CCIN: variants seen among roughly 807,000 people sequenced by gnomAD.
The protein encoded by CCIN is calicin, also known as testis tissue sperm-binding protein Li 65n.
In CCIN, 15 loss-of-function variants were observed where a neutral mutation model predicts 32.2. The observed-to-expected ratio is 0.47, with a 90% CI of 0.31 to 0.72. The LOEUF is 0.72. CCIN is among the 30% of genes least tolerant of loss of function. The pLI, the probability that CCIN is intolerant of heterozygous loss-of-function variation, is 0.05. For synonymous variants in CCIN, 302 were observed against 297.4 expected, an observed-to-expected ratio of 1.02 and a Z score of -0.16; for missense variants, 623 against 759.4, an observed-to-expected ratio of 0.82 and a Z score of 2.11.
Position 36,169,660 on chromosome 9 carries a change from T to A in CCIN, c.158T>A (p.Val53Glu). 13 of 1,614,144 alleles carry A rather than the reference T, an allele frequency of 8.1e-6. No individual in the cohort carries two copies. The highest frequency in any genetic ancestry group is 1.1e-5 in the Non-Finnish European group (13 of 1,180,030). The stretch of plus-strand genomic sequence containing the variant: ...GTGCTGGCTGCTGTCTCCCCACTGG[T>A]GAGGAGCCTCATCTCCAGCAATGAC... The part of the protein sequence containing the change: ...RNVLAAVSPL[V>E]RSLISSNDMK... Residue 53 changes from valine to glutamate, a missense_variant, in exon 1 of 1, where the codon GTG (valine) becomes GAG (glutamate). Coordinates refer to ENST00000335119, the MANE Select transcript of CCIN (RefSeq NM_005893.3).
rs145849868 is a variant in CCIN at position 36,170,541 on chromosome 9, C to A, written c.1039C>A (p.Arg347=). The stretch of plus-strand genomic sequence containing the variant: ...GATTTCAGGGCTGAAGACAGCCTGG[C>A]GGTATGACATGGATGACAACTCCTG... ...EQISGLKTAW[R]YDMDDNSWTK... is the part of the protein sequence containing the mutation. The change falls in exon 1 of 1, where the codon CGG becomes AGG. Residue 347 remains arginine (R), a synonymous_variant. Transcript: ENST00000335119. 13 of 1,614,096 alleles carry A rather than the reference C, an allele frequency of 8.1e-6. No homozygotes were observed. Among genetic ancestry groups the A allele is most frequent in the Non-Finnish European group, 1.1e-5 (13 of 1,180,032 alleles).
Position 36,169,532 on chromosome 9 carries a change from C to T in CCIN, c.30C>T (p.Tyr10=), listed in dbSNP as rs772110424. 7 of 1,614,246 alleles carry T rather than the reference C, an allele frequency of 4.3e-6. No homozygotes were observed. The Admixed American group carries it at 1.2e-4, about 27-fold the overall frequency. ...AATTGGAATTCACGGAGAAAAACTA[C>T]AATAGCTTCGTGCTGCAGAACCTGA... MKLEFTEKN[Y]NSFVLQNLNR... Residue 10 remains tyrosine, a synonymous_variant, in exon 1 of 1, where the codon TAC becomes TAT. Coordinates refer to ENST00000335119, the MANE Select transcript of CCIN (RefSeq NM_005893.3).
At position 36,170,671 on chromosome 9, in the gene CCIN, T is replaced by A; in HGVS notation, c.1169T>A (p.Val390Asp). 3 of 1,614,220 alleles carry A rather than the reference T, an allele frequency of 1.9e-6. No individual in the cohort carries two copies. Among genetic ancestry groups the A allele is most frequent in the Non-Finnish European group, 2.5e-6 (3 of 1,180,024 alleles). Residue 390 changes from valine to aspartate, a missense_variant, in exon 1 of 1, where the codon GTC (valine) becomes GAC (aspartate). Coordinates refer to ENST00000335119, the MANE Select transcript of CCIN (RefSeq NM_005893.3). Reference protein sequence around the residue: ...VGGSIAPRRYVSNIYRYDERK... With the variant: ...VGGSIAPRRYDSNIYRYDERK... ...GGGAGCATTGCCCCAAGGCGGTATG[T>A]CTCCAACATCTATCGCTATGATGAG...
Position 36,170,289 on chromosome 9 carries a change from G to C in CCIN, c.787G>C (p.Glu263Gln). 1.2e-6 allele frequency: 2 copies of C among 1,614,126 alleles called. No individual in the cohort carries two copies. The highest frequency in any genetic ancestry group is 1.7e-6 in the Non-Finnish European group (2 of 1,180,022). Residue 263 changes from glutamate to glutamine, a missense_variant, in exon 1 of 1, where the codon GAG becomes CAG. Transcript: ENST00000335119. ...IESVLMDRKQ[E>Q]RPCSLLVYQR... ...GAGTGTCCTGATGGACCGCAAGCAG[G>C]AGCGGCCATGCAGCCTGCTGGTCTA...
Position 36,169,905 on chromosome 9 carries a change from C to T in CCIN, c.403C>T (p.Arg135Cys), listed in dbSNP as rs369124897. The stretch of plus-strand genomic sequence containing the variant: ...GTCCATCTGCCGTGCCAACTGCTTG[C>T]GCTACCTCTTCTTGGCTGAGCTGTT... ...IKSICRANCLRYLFLAELFEL... is the reference protein window; with the variant it reads ...IKSICRANCLCYLFLAELFEL... Residue 135 changes from arginine (R) to cysteine (C), a missense_variant, in exon 1 of 1, where the codon CGC (arginine) becomes TGC (cysteine). Physicochemically the swap from Arg to Cys is radical, Grantham distance 180 (BLOSUM62 -3). Transcript: ENST00000335119. 1.9e-5 allele frequency: 30 copies of T among 1,614,108 alleles called. No homozygotes were observed. The highest frequency in any genetic ancestry group is 7.7e-5 in the South Asian group (7 of 91,088).
chr9:36,169,778 C>T lies in CCIN; in HGVS notation c.276C>T (p.Gly92=), dbSNP rs1210257020. The change falls in exon 1 of 1, where the codon GGC becomes GGT. Residue 92 remains glycine (G), a synonymous_variant. Coordinates refer to ENST00000335119, the MANE Select transcript of CCIN (RefSeq NM_005893.3). The part of the protein sequence containing the change: ...VDQLLDYFYS[G]KVVISEQNVE... Reference sequence around the variant, plus strand: ...AGCTTCTGGACTACTTCTATAGCGGCAAGGTGGTGATCTCCGAGCAAAATG... The same window carrying T: ...AGCTTCTGGACTACTTCTATAGCGGTAAGGTGGTGATCTCCGAGCAAAATG... 2 of 1,614,186 alleles carry T rather than the reference C, an allele frequency of 1.2e-6. No homozygotes were observed. The highest frequency in any genetic ancestry group is 2.2e-5 in the South Asian group (2 of 91,078).
In CCIN at chr9:36,169,445, T is replaced by G. The variant is rs1826276610; in HGVS notation, c.-58T>G. On this transcript the variant is annotated 5_prime_UTR_variant, in exon 1 of 1. Transcript: ENST00000335119. ...AACCATCAATCTGATCCCACAGGCC[T>G]GAGAAAGTCTGCTCTCCAGTACCTG... The G allele has an allele frequency of 1.8e-5, 28 of 1,548,830 alleles. 1 individual carries two copies. In the South Asian group the frequency reaches 2.8e-4, roughly 16 times the overall value.
chr9:36,169,561 GAC>G lies in CCIN; in HGVS notation c.61_62del (p.Gln21GlufsTer40). 1 of 1,614,232 alleles carries G rather than the reference GAC, an allele frequency of 6.2e-7. No individual in the cohort carries two copies. The highest frequency in any genetic ancestry group is 8.5e-7 in the Non-Finnish European group (1 of 1,180,040). On this transcript the variant is annotated frameshift_variant, in exon 1 of 1. Transcript: ENST00000335119. LOFTEE classifies it high-confidence loss of function. ...AGCTTCGTGCTGCAGAACCTGAACA[GAC>G]AGAGGAAACGCAAAGAGTACTGGGA...
rs746241046 is a variant in CCIN, at chr9:36,169,806, G to C, written c.304G>C (p.Glu102Gln). The change falls in exon 1 of 1, where the codon GAG becomes CAG. Residue 102 changes from glutamate to glutamine, a missense_variant. Glu to Gln is a conservative substitution (Grantham distance 29, BLOSUM62 2). Transcript: ENST00000335119. The stretch of plus-strand genomic sequence containing the variant: ...GGTGGTGATCTCCGAGCAAAATGTG[G>C]AGGAGCTGCTTCGTGGGGCTCAGTA... ...GKVVISEQNV[E>Q]ELLRGAQYFN... The C allele has an allele frequency of 8.1e-6, 13 of 1,614,068 alleles. No individual in the cohort carries two copies. Among genetic ancestry groups the C allele is most frequent in the Non-Finnish European group, 1.0e-5 (12 of 1,180,056 alleles).
Position 36,169,833 on chromosome 9 carries a change from T to G in CCIN, c.331T>G (p.Phe111Val). The G allele has an allele frequency of 1.2e-6, 2 of 1,614,158 alleles. No homozygotes were observed. The highest frequency in any genetic ancestry group is 1.7e-6 in the Non-Finnish European group (2 of 1,180,020). The change falls in exon 1 of 1, where the codon TTC becomes GTC. Residue 111 changes from phenylalanine to valine, a missense_variant. Phe to Val is a conservative substitution (Grantham distance 50, BLOSUM62 -1). Coordinates refer to ENST00000335119, the MANE Select transcript of CCIN (RefSeq NM_005893.3). ...GGAGCTGCTTCGTGGGGCTCAGTAT[T>G]TCAACACACCACGCCTTCGAGTTCA... Reference protein sequence around the residue: ...VEELLRGAQYFNTPRLRVHCN... With the variant: ...VEELLRGAQYVNTPRLRVHCN...
chr9:36,170,594 G>A lies in CCIN; in HGVS notation c.1092G>A (p.Gly364=), dbSNP rs534013659. 2 of 1,614,046 alleles carry A rather than the reference G, an allele frequency of 1.2e-6. No homozygotes were observed. The highest frequency in any genetic ancestry group is 3.3e-5 in the Admixed American group (2 of 59,982). ...SWTKLPDLPI[G]LVFHTMVTCG... is the part of the protein sequence containing the mutation. ...CCAAGTTGCCTGACCTGCCCATCGG[G>A]CTTGTCTTCCACACCATGGTGACCT... The change falls in exon 1 of 1, where the codon GGG becomes GGA. Residue 364 remains glycine, a synonymous_variant. Coordinates refer to ENST00000335119, the MANE Select transcript of CCIN (RefSeq NM_005893.3).
chr9:36,170,484 T>C lies in CCIN; in HGVS notation c.982T>C (p.Tyr328His). The change falls in exon 1 of 1, where the codon TAC becomes CAC. Residue 328 changes from tyrosine to histidine, a missense_variant. Tyr to His is a moderately conservative substitution (Grantham distance 83). Coordinates refer to ENST00000335119, the MANE Select transcript of CCIN (RefSeq NM_005893.3). ...ACTTAGTGCCACCTCTGCTGGTCGC[T>C]ACATCTACATCTCTGGTGGCACCAC... ...AALSATSAGRYIYISGGTTEQ... is the reference protein window; with the variant it reads ...AALSATSAGRHIYISGGTTEQ... 1 of 1,614,158 alleles carries C rather than the reference T, an allele frequency of 6.2e-7. No homozygotes were observed. The highest frequency in any genetic ancestry group is 8.5e-7 in the Non-Finnish European group (1 of 1,180,042).
chr9:36,170,552 G>A lies in CCIN; in HGVS notation c.1050G>A (p.Met350Ile). Reference sequence around the variant, plus strand: ...TGAAGACAGCCTGGCGGTATGACATGGATGACAACTCCTGGACCAAGTTGC... The same window carrying A: ...TGAAGACAGCCTGGCGGTATGACATAGATGACAACTCCTGGACCAAGTTGC... ...SGLKTAWRYD[M>I]DDNSWTKLPD... Residue 350 changes from methionine to isoleucine, a missense_variant, in exon 1 of 1, where the codon ATG (methionine) becomes ATA (isoleucine). Met to Ile is a conservative substitution (Grantham distance 10, BLOSUM62 1). Transcript: ENST00000335119. 6.2e-7 allele frequency: 1 copy of A among 1,614,140 alleles called. No individual in the cohort carries two copies. The highest frequency in any genetic ancestry group is 8.5e-7 in the Non-Finnish European group (1 of 1,180,036).
At position 36,171,192 on chromosome 9, in the gene CCIN, G is replaced by C; in HGVS notation, c.1690G>C (p.Ala564Pro). The C allele has an allele frequency of 1.9e-6, 3 of 1,614,196 alleles. No homozygotes were observed. The highest frequency in any genetic ancestry group is 2.5e-6 in the Non-Finnish European group (3 of 1,180,028). Residue 564 changes from alanine (A) to proline (P), a missense_variant, in exon 1 of 1, where the codon GCT (alanine) becomes CCT (proline). Transcript: ENST00000335119. The part of the protein sequence containing the change: ...DQKTGKWKTL[A>P]PPPEALDCPA... ...AAAGACAGGCAAGTGGAAGACCCTG[G>C]CTCCTCCACCAGAGGCACTGGACTG...
rs781209594 is a variant in CCIN at position 36,169,714 on chromosome 9, C to G, written c.212C>G (p.Thr71Ser). 39 of 1,614,052 alleles carry G rather than the reference C, an allele frequency of 2.4e-5. No homozygotes were observed. Among genetic ancestry groups the G allele is most frequent in the Non-Finnish European group, 2.5e-6 (3 of 1,180,038 alleles). Residue 71 changes from threonine to serine, a missense_variant, in exon 1 of 1, where the codon ACC (threonine) becomes AGC (serine). Coordinates refer to ENST00000335119, the MANE Select transcript of CCIN (RefSeq NM_005893.3). ...DMKTADELFI[T>S]IDTSYLSPVT... ...AAGACCGCTGATGAGCTTTTCATCACCATTGACACCAGTTACCTGAGCCCG... is the reference window on the plus strand; with the variant it reads ...AAGACCGCTGATGAGCTTTTCATCAGCATTGACACCAGTTACCTGAGCCCG...
In CCIN at chr9:36,170,435, A is replaced by C. The variant is rs760832302; in HGVS notation, c.933A>C (p.Ser311=). 6.2e-7 allele frequency: 1 copy of C among 1,614,122 alleles called. No homozygotes were observed. The highest frequency in any genetic ancestry group is 8.5e-7 in the Non-Finnish European group (1 of 1,180,052). Residue 311 remains serine, a synonymous_variant, in exon 1 of 1, where the codon TCA becomes TCC. Coordinates refer to ENST00000335119, the MANE Select transcript of CCIN (RefSeq NM_005893.3). The part of the protein sequence containing the change: ...IIQENLWMKL[S]DMPYRAAALS... ...AGGAGAACCTGTGGATGAAGCTCTCAGACATGCCCTATCGGGCAGCAGCAC... is the reference window on the plus strand; with the variant it reads ...AGGAGAACCTGTGGATGAAGCTCTCCGACATGCCCTATCGGGCAGCAGCAC...
Position 36,170,270 on chromosome 9 carries a change from C to T in CCIN, c.768C>T (p.Val256=). ...TSSHTTLIES[V]LMDRKQERPC... is the part of the protein sequence containing the mutation. ...CCCATACAACCCTGATTGAGAGTGT[C>T]CTGATGGACCGCAAGCAGGAGCGGC... The change falls in exon 1 of 1, where the codon GTC becomes GTT. Residue 256 remains valine (V), a synonymous_variant. Coordinates refer to ENST00000335119, the MANE Select transcript of CCIN (RefSeq NM_005893.3). 6.2e-7 allele frequency: 1 copy of T among 1,614,146 alleles called. No homozygotes were observed. Among genetic ancestry groups the T allele is most frequent in the East Asian group, 2.2e-5 (1 of 44,874 alleles).
chr9:36,170,124 CG>C lies in CCIN; in HGVS notation c.624del (p.Lys209ArgfsTer44), dbSNP rs1563895574. ...CGCACTCATCAATTGGGTGTACTTC[CG>C]GAAGGAGGATCGGGAGAAGTATTTC... ...LSALINWVYF[R>X]KEDREKYFKK... On this transcript the variant is annotated frameshift_variant, in exon 1 of 1. Coordinates refer to ENST00000335119, the MANE Select transcript of CCIN (RefSeq NM_005893.3). LOFTEE classifies it high-confidence loss of function. 1 of 1,614,210 alleles carries C rather than the reference CG, an allele frequency of 6.2e-7. No homozygotes were observed.
In CCIN at chr9:36,170,831, G is replaced by A; in HGVS notation, c.1329G>A (p.Gly443=). The change falls in exon 1 of 1, where the codon GGG becomes GGA. Residue 443 remains glycine, a synonymous_variant. Coordinates refer to ENST00000335119, the MANE Select transcript of CCIN (RefSeq NM_005893.3). ...TGAAAGGTTATATCTCCCGGGTCGGGGTAGTGGACTGCTTTGACACCAGCA... is the reference window on the plus strand; with the variant it reads ...TGAAAGGTTATATCTCCCGGGTCGGAGTAGTGGACTGCTTTGACACCAGCA... ...CLVKGYISRV[G]VVDCFDTSTG... is the part of the protein sequence containing the mutation. 6.2e-7 allele frequency: 1 copy of A among 1,614,256 alleles called. No homozygotes were observed. The highest frequency in any genetic ancestry group is 2.2e-5 in the East Asian group (1 of 44,892).
Sources: allele counts gnomAD v4.1 joint callset, GRCh38; gene constraint gnomAD v4.1.1; transcripts MANE v1.5; gene names NCBI Gene and HGNC (gene_info 2026-07-23, HGNC 2026-07-21).